Variants in TMEM178B observed in about 807,000 individuals in gnomAD.
TMEM178B encodes transmembrane protein 178B.
TMEM178B carries 5 observed loss-of-function variants against 31.0 expected under a neutral mutation model. The ratio of observed to expected loss-of-function variants is 0.16; its 90% CI spans 0.08 to 0.34. The LOEUF (loss-of-function observed/expected upper bound fraction) is 0.34, where lower values mean the gene tolerates loss of function less well. Among genes scored for constraint, TMEM178B ranks in the 10% least tolerant of loss-of-function variants. The pLI, the probability that TMEM178B is intolerant of heterozygous loss-of-function variation, is 1.00. For missense variants in TMEM178B, 275 were observed against 400.3 expected (o/e 0.69, Z 2.67); for synonymous variants, 164 against 164.0 (o/e 1.00, Z 0.00).
chr7:141,366,141 C>T (rs537079363), intron 2 of TMEM178B, among the ~76,000 whole-genome samples: 35 of 152,248 alleles, frequency 2.3e-4, no homozygotes, highest in African/African-American at 7.5e-4. Context: ...TGAGCATGTG[C>T]GTTCCTTTGG....
intron 2 of TMEM178B, among the ~76,000 whole-genome samples, chr7:141,278,751 G>A (rs776799115): frequency 5.3e-5 from 8 of 152,130 alleles, no homozygotes; most frequent in African/African-American, 1.7e-4. Flanking sequence ...GCTGTGGAAC[G>A]TATTAGGGAT....
intron 1 of TMEM178B, among the ~76,000 whole-genome samples, chr7:141,180,463 C>CAAAA (rs57969132): frequency 6.1e-4 from 51 of 83,168 alleles, no homozygotes; most frequent in East Asian, 1.1e-3. Context: ...GAGCCCATCT[C>CAAAA]AAAAAAAAAA....
At chr7:141,231,169 T>G (rs894984235) in intron 2 of TMEM178B, among the ~76,000 whole-genome samples, 1 of 152,202 alleles carries the variant, frequency 6.6e-6, no homozygotes, top group Non-Finnish European at 1.5e-5. Context: ...TGTTTGCCTC[T>G]GCATTTCCAG....
At chr7:141,182,342 A>C (rs190092659) in intron 1 of TMEM178B, among the ~76,000 whole-genome samples, 1 of 152,224 alleles carries the variant, frequency 6.6e-6, no homozygotes, top group Admixed American at 6.5e-5. Context: ...CTGGTCCTTG[A>C]CTTGTGTGTC....
intron 2 of TMEM178B, among the ~76,000 whole-genome samples, chr7:141,378,412 T>C (rs1308875774): frequency 6.6e-6 from 1 of 152,188 alleles, no homozygotes; most frequent in Non-Finnish European, 1.5e-5. Flanking sequence ...GTTCAGCCCA[T>C]ATGGTTTTTT....
chr7:141,121,120 T>G (rs1259995111), intron 1 of TMEM178B, among the ~76,000 whole-genome samples: 1 of 152,174 alleles, frequency 6.6e-6, no homozygotes, highest in Non-Finnish European at 1.5e-5. Flanking sequence ...TATTACTGTA[T>G]CACTATTTTT....
chr7:141,444,587 A>C (rs554369430), intron 3 of TMEM178B, among the ~76,000 whole-genome samples: 3 of 152,318 alleles, frequency 2.0e-5, no homozygotes, highest in Admixed American at 2.0e-4. Context: ...TGAATTCATG[A>C]AGAGCTTTCT....
chr7:141,467,389 C>A (rs904650697), intron 3 of TMEM178B, among the ~76,000 whole-genome samples: 3 of 152,168 alleles, frequency 2.0e-5, no homozygotes, highest in African/African-American at 7.2e-5. Context: ...AATACAAATG[C>A]ATACATGTGT....
chr7:141,203,343 G>T (rs1217108402), intron 1 of TMEM178B, among the ~76,000 whole-genome samples: 2 of 152,120 alleles, frequency 1.3e-5, no homozygotes, highest in Admixed American at 1.3e-4. Context: ...CAGCCCATTG[G>T]GTGAGACAGC....
chr7:141,330,723 C>G lies in TMEM178B; in HGVS notation c.497-106885C>G, dbSNP rs944607291. Among the ~76,000 whole-genome samples, 4 of 152,118 alleles carry G rather than the reference C, an allele frequency of 2.6e-5. No individual in the cohort carries two copies. In the East Asian group the frequency reaches 5.8e-4, roughly 22 times the overall value. ...AGTGGGAAGCCACTGGGAGGCTTTG[C>G]AAAGAAGAATGATGTGATCCAACTT... On this transcript the variant is annotated intron_variant, in intron 2 of 3. Coordinates refer to ENST00000565468, the MANE Select transcript of TMEM178B (RefSeq NM_001195278.2).
At chr7:141,312,974 AG>A (rs1798939510) in intron 2 of TMEM178B, among the ~76,000 whole-genome samples, 1 of 152,200 alleles carries the variant, frequency 6.6e-6, no homozygotes, top group Non-Finnish European at 1.5e-5. Flanking sequence ...TACATCTTTG[AG>A]GGAGAAGATA....
chr7:141,438,696 TAA>T (rs869132131), intron 3 of TMEM178B, among the ~76,000 whole-genome samples: 986 of 28,906 alleles, frequency 0.034, 23 homozygotes, highest in African/African-American at 0.074. Context: ...CCGTCTCTAC[TAA>T]AAAAAAAAAA....
chr7:141,456,044 A>G (rs1483937678), intron 3 of TMEM178B, among the ~76,000 whole-genome samples: 1 of 152,218 alleles, frequency 6.6e-6, no homozygotes, highest in Non-Finnish European at 1.5e-5. Flanking sequence ...GAATCAAGGC[A>G]GTTTAGAGCT....
At chr7:141,206,893 A>G (rs1796976156) in intron 1 of TMEM178B, among the ~76,000 whole-genome samples, 1 of 152,172 alleles carries the variant, frequency 6.6e-6, no homozygotes, top group South Asian at 2.1e-4. Flanking sequence ...TCTCTTATTT[A>G]TCTTGCACAA....
chr7:141,084,955 C>T (rs1461262755), intron 1 of TMEM178B, among the ~76,000 whole-genome samples: 2 of 151,754 alleles, frequency 1.3e-5, no homozygotes, highest in Non-Finnish European at 2.9e-5. Context: ...CTCGGCTCAT[C>T]GCAACCTCCG....
chr7:141,280,292 C>A (rs563612503), intron 2 of TMEM178B, among the ~76,000 whole-genome samples: 1 of 152,078 alleles, frequency 6.6e-6, no homozygotes, highest in African/African-American at 2.4e-5. Flanking sequence ...CTCTGGGCAC[C>A]TGATATAGTT....
intron 2 of TMEM178B, among the ~76,000 whole-genome samples, chr7:141,235,863 A>G (rs1235923543): frequency 6.6e-6 from 1 of 152,070 alleles, no homozygotes; most frequent in Non-Finnish European, 1.5e-5. Flanking sequence ...GAATCTTACA[A>G]TCTCCCCTAG....
intron 2 of TMEM178B, among the ~76,000 whole-genome samples, chr7:141,405,840 T>C (rs999428816): frequency 2.0e-5 from 3 of 152,202 alleles, no homozygotes; most frequent in African/African-American, 7.2e-5. Context: ...TGGGGCTTCC[T>C]GGTGTCACGA....
chr7:141,118,200 C>T (rs1795351160), intron 1 of TMEM178B, among the ~76,000 whole-genome samples: 1 of 152,166 alleles, frequency 6.6e-6, no homozygotes, highest in Non-Finnish European at 1.5e-5. Flanking sequence ...GAGAGCCTCT[C>T]TTTCAAGGCT....
Sources: gnomAD v4.1 joint callset for allele counts (sites outside exome capture counted in the v4.1 genomes callset) on GRCh38, gnomAD v4.1.1 for gene constraint, MANE v1.5 for transcripts, NCBI Gene and HGNC (gene_info 2026-07-23, HGNC 2026-07-21) for gene names.